The following TBRG4 variants were observed in gnomAD, a reference collection of about 807,000 sequenced individuals.
The protein encoded by TBRG4 is FAST kinase domain-containing protein 4.
Under a neutral mutation model 65.6 loss-of-function variants are expected in TBRG4, and 43 were observed. The observed-to-expected ratio is 0.66, with a 90% confidence interval of 0.51 to 0.85. The LOEUF (loss-of-function observed/expected upper bound fraction) is 0.85. TBRG4 is among the 40% of genes least tolerant of loss of function. The pLI, the probability that TBRG4 is intolerant of heterozygous loss-of-function variation, is 0.00. For missense variants in TBRG4, 709 were observed against 787.9 expected (o/e 0.90, Z 1.20); for synonymous variants, 366 against 341.4 (o/e 1.07, Z -0.79).
At chr7:45,103,860 C>A (rs1784847541) in intron 5 of TBRG4, 1 of 597,000 alleles carries the variant, frequency 1.7e-6, no homozygotes, top group East Asian at 2.9e-5. Flanking sequence ...GCTACAGCTA[C>A]CCCAAAATGG....
Position 45,101,367 on chromosome 7 carries a change from G to C in TBRG4, c.1685C>G (p.Ala562Gly). The C allele has an allele frequency of 6.2e-7, 1 of 1,613,936 alleles. No individual in the cohort carries two copies. ...QSPPPGSKRLAFLRWEFPNFN... is the reference protein window; with the variant it reads ...QSPPPGSKRLGFLRWEFPNFN... ...GTTGGGGAACTCCCACCGCAAGAAC[G>C]CTAGCCTGGAAGGAAGAAGAGGTGG... is the stretch of plus-strand genomic sequence containing the variant. Residue 562 changes from alanine (A) to glycine (G), a missense_variant, in exon 10 of 11, where the codon GCG becomes GGG. Ala to Gly is a moderately conservative substitution (Grantham distance 60). Transcript: ENST00000258770.
At chr7:45,110,760 G>A (rs922675336) in intron 1 of TBRG4, 2 of 152,038 alleles carry the variant, frequency 1.3e-5, no homozygotes, top group African/African-American at 4.8e-5. Flanking sequence ...CCTCATTTCT[G>A]CCAAAGCAGA....
chr7:45,101,154 A>C, intron 10 of TBRG4, 104 bp downstream of exon 10: 1 of 1,104,394 alleles, frequency 9.1e-7, no homozygotes, highest in Non-Finnish European at 1.3e-6. Context: ...GGCCACGGGC[A>C]GGGCATGTGT....
Position 45,105,491 on chromosome 7 carries a change from T to C in TBRG4, c.685A>G (p.Met229Val). 1 of 1,613,906 alleles carries C rather than the reference T, an allele frequency of 6.2e-7. No homozygotes were observed. The change falls in exon 3 of 11, where the codon ATG (methionine) becomes GTG (valine). Residue 229 changes from methionine to valine, a missense_variant. Physicochemically the swap from Met to Val is conservative, Grantham distance 21 (BLOSUM62 1). Transcript: ENST00000258770. ...EDSHTLVTVM[M>V]KVGHLSEPLM... ...GGCTCCGAGAGGTGTCCCACCTTCA[T>C]CATGACGGTCACTAATGTGTGGGAA...
rs932296484 is a variant in TBRG4, at chr7:45,105,529, G to C, written c.647C>G (p.Thr216Arg). The change falls in exon 3 of 11, where the codon ACA (threonine) becomes AGA (arginine). Residue 216 changes from threonine to arginine, a missense_variant. Physicochemically the swap from Thr to Arg is moderately conservative, Grantham distance 71. Transcript: ENST00000258770. ...ELLTHLERRW[T>R]EIEDSHTLVT... is the part of the protein sequence containing the mutation. ...TAATGTGTGGGAATCTTCAATTTCT[G>C]TCCAACGCCTTTCCAGGTGTGTGAG... The C allele has an allele frequency of 1.9e-6, 3 of 1,614,164 alleles. No homozygotes were observed. In the African/African-American group the frequency reaches 4.0e-5, roughly 22 times the overall value.
At chr7:45,105,221 G>A in intron 3 of TBRG4, 1 of 613,282 alleles carries the variant, frequency 1.6e-6, no homozygotes, top group South Asian at 1.9e-5. Context: ...GTTGGGAGGA[G>A]CAAGTGGTGC....
intron 6 of TBRG4, 196 bp from the exon 7 acceptor site, chr7:45,102,687 T>C (rs955830867): frequency 1.0e-5 from 7 of 675,278 alleles, no homozygotes; most frequent in African/African-American, 1.8e-5. Flanking sequence ...ACCAGGAATC[T>C]TCCTCATGCC....
chr7:45,105,574 T>A lies in TBRG4; in HGVS notation c.602A>T (p.Gln201Leu). Reference sequence around the variant, plus strand: ...TGTGAGCAGCTCAGCCAGCAGCTCCTGCGAGTGCTGCTCCTGTGAGAGGGT... The same window carrying A: ...TGTGAGCAGCTCAGCCAGCAGCTCCAGCGAGTGCTGCTCCTGTGAGAGGGT... ...CATLSQEQHS[Q>L]ELLAELLTHL... The change falls in exon 3 of 11, where the codon CAG becomes CTG. Residue 201 changes from glutamine (Q) to leucine (L), a missense_variant. Coordinates refer to ENST00000258770, the MANE Select transcript of TBRG4 (RefSeq NM_004749.4). The A allele has an allele frequency of 1.2e-6, 2 of 1,614,196 alleles. No homozygotes were observed. Among genetic ancestry groups the A allele is most frequent in the African/African-American group, 1.3e-5 (1 of 75,072 alleles).
Position 45,103,197 on chromosome 7 carries a change from C to A in TBRG4, c.1176+136G>T, listed in dbSNP as rs1784824669. ...CTAGGATGCCTGGCTCCAATCAGTTCCCCCTGCCCTCCCATGCCACACATA... is the reference window on the plus strand; with the variant it reads ...CTAGGATGCCTGGCTCCAATCAGTTACCCCTGCCCTCCCATGCCACACATA... On this transcript the variant is annotated intron_variant, in intron 6 of 10. Transcript: ENST00000258770. 3 of 699,620 alleles carry A rather than the reference C, an allele frequency of 4.3e-6. 1 individual carries two copies. The highest frequency in any genetic ancestry group is 7.6e-6 in the Non-Finnish European group (3 of 392,204). The allele number at this position is 699,620 out of a possible 1,614,324, so 43.3% of individuals were successfully genotyped here.
At chr7:45,108,478 C>A (rs1012750968) in intron 2 of TBRG4, among the ~76,000 whole-genome samples, 2 of 152,212 alleles carry the variant, frequency 1.3e-5, no homozygotes, top group Non-Finnish European at 2.9e-5. Flanking sequence ...AAAAACAGTG[C>A]CTTGCCATCA....
rs754159048 is a variant in TBRG4, at chr7:45,104,553, C to T, written c.892G>A (p.Val298Met). The T allele has an allele frequency of 2.2e-5, 36 of 1,613,884 alleles. 1 individual carries two copies. In the South Asian group the frequency reaches 3.5e-4, roughly 16 times the overall value. The change falls in exon 4 of 11, where the codon GTG (valine) becomes ATG (methionine). Residue 298 changes from valine to methionine, a missense_variant. By Grantham distance (21) the Val-to-Met change is conservative. Transcript: ENST00000258770. ...FSLTKDVLLDVAYAYGKLSFH... is the reference protein window; with the variant it reads ...FSLTKDVLLDMAYAYGKLSFH... ...AAGGGCTCACCATAGGCATAGGCCA[C>T]GTCCAAGAGCACATCTTTCGTCAGA...
Position 45,104,678 on chromosome 7 carries a change from T to C in TBRG4, c.767A>G (p.Asn256Ser), listed in dbSNP as rs201556853. ...CLELVEHFGP[N>S]ELRKVLVMLA... ...CATCACCAGCACCTTCCGCAGCTCA[T>C]TGGGGCCAAAGTGCTCCACCAACTC... Residue 256 changes from asparagine (N) to serine (S), a missense_variant, in exon 4 of 11, where the codon AAT (asparagine) becomes AGT (serine). Asn to Ser is a conservative substitution (Grantham distance 46, BLOSUM62 1). Transcript: ENST00000258770. 391 of 1,613,924 alleles carry C rather than the reference T, an allele frequency of 2.4e-4. 1 individual carries two copies. In the Admixed American group the frequency reaches 2.5e-3, roughly 10 times the overall value.
In TBRG4 at chr7:45,108,896, C is replaced by A; in HGVS notation, c.342G>T (p.Lys114Asn). 1 of 1,588,282 alleles carries A rather than the reference C, an allele frequency of 6.3e-7. No individual in the cohort carries two copies. Among genetic ancestry groups the A allele is most frequent in the Non-Finnish European group, 8.5e-7 (1 of 1,170,298 alleles). The change falls in exon 2 of 11, where the codon AAG becomes AAT. Residue 114 changes from lysine (K) to asparagine (N), a missense_variant. Lys to Asn is a moderately conservative substitution (Grantham distance 94). Coordinates refer to ENST00000258770, the MANE Select transcript of TBRG4 (RefSeq NM_004749.4). The stretch of plus-strand genomic sequence containing the variant: ...GTATGAGCAAGCCTTTATCTTCTGG[C>A]TTCTCAGACAGCAAGTGAGAGAGCC... ...LIRLSHLLSE[K>N]PEDKGLLIQD...
At position 45,111,672 on chromosome 7, in the gene TBRG4, G is replaced by A. The variant is rs1269991934; in HGVS notation, c.-80C>T. ...CGAGCACCACCGCTGACCTCCATCC[G>A]CCGCCCTAACTGTCCCCGGAACCAT... is the stretch of plus-strand genomic sequence containing the variant. On this transcript the variant is annotated 5_prime_UTR_variant, in exon 1 of 11. Coordinates refer to ENST00000258770, the MANE Select transcript of TBRG4 (RefSeq NM_004749.4). 32 of 1,289,186 alleles carry A rather than the reference G, an allele frequency of 2.5e-5. No individual in the cohort carries two copies. Among genetic ancestry groups the A allele is most frequent in the East Asian group, 2.2e-4 (4 of 18,026 alleles). The allele number at this position is 1,289,186 out of a possible 1,614,324, so 79.9% of individuals were successfully genotyped here.
chr7:45,105,185 A>G, intron 3 of TBRG4: 1 of 615,974 alleles, frequency 1.6e-6, no homozygotes. Flanking sequence ...GGGGAAAGAT[A>G]AAGGTGCAAT....
At chr7:45,106,269 A>G (rs953109381) in intron 2 of TBRG4, 10 of 323,016 alleles carry the variant, frequency 3.1e-5, no homozygotes, top group African/African-American at 1.9e-4. Flanking sequence ...AAATTCTCCA[A>G]GTTTCCCCAA....
rs375181391 is a variant in TBRG4 at position 45,103,320 on chromosome 7, C to T, written c.1176+13G>A. 9 of 1,604,806 alleles carry T rather than the reference C, an allele frequency of 5.6e-6. No individual in the cohort carries two copies. The highest frequency in any genetic ancestry group is 6.8e-6 in the Non-Finnish European group (8 of 1,173,738). ...AGGATAAAGGTCGAGCAGTGGGAGC[C>T]CAGAGGCCCTACCAGGCTGAAGAAC... On this transcript the variant is annotated intron_variant, in intron 6 of 10. Transcript: ENST00000258770.
chr7:45,102,226 G>A, intron 7 of TBRG4, 121 bp downstream of exon 7: 1 of 1,549,136 alleles, frequency 6.5e-7, no homozygotes, highest in South Asian at 1.2e-5. Flanking sequence ...ACAGGGAGAG[G>A]ATGGAGAGCG....
rs1410137883 is a variant in TBRG4 at position 45,103,025 on chromosome 7, CCT to C, written c.1176+306_1176+307del. The C allele has an allele frequency of 1.3e-5, 6 of 448,552 alleles. No homozygotes were observed. The Admixed American group carries it at 1.7e-4, about 13-fold the overall frequency. The allele number at this position is 448,552 out of a possible 1,614,324, so 27.8% of individuals were successfully genotyped here. ...TCATAAAGAAGGCTCCCCCTCCTGC[CCT>C]GAGCTGGTGCACATAGCACGAAGGC... On this transcript the variant is annotated intron_variant, in intron 6 of 10. Coordinates refer to ENST00000258770, the MANE Select transcript of TBRG4 (RefSeq NM_004749.4).
Sources: allele counts gnomAD v4.1 joint callset (sites outside exome capture counted in the v4.1 genomes callset), GRCh38; gene constraint gnomAD v4.1.1; transcripts MANE v1.5; gene names NCBI Gene and HGNC (gene_info 2026-07-23, HGNC 2026-07-21).